The following DCDC1 variants were observed in gnomAD, a reference collection of about 807,000 sequenced individuals.
The protein encoded by DCDC1 is doublecortin domain-containing protein 1.
DCDC1 carries 200 observed loss-of-function variants against 178.3 expected under a neutral mutation model. That is an observed-to-expected ratio of 1.12 (90% CI 1.00 to 1.26). DCDC1 has a LOEUF of 1.26. DCDC1 is among the 50% of genes most tolerant of loss of function. The pLI is 0.00. For synonymous variants in DCDC1, 690 were observed against 604.8 expected (o/e 1.14, Z -2.07); for missense variants, 1,983 against 1,749.2 (o/e 1.13, Z -2.38).
chr11:31,046,615 G>GAA (rs4067329), intron 20 of DCDC1, among the ~76,000 whole-genome samples: 67,101 of 140,158 alleles, frequency 0.48, 15,570 homozygotes, highest in Middle Eastern at 0.55. Context: ...GCCTCAGTAA[G>GAA]AAAAAAAAAA....
intron 8 of DCDC1, among the ~76,000 whole-genome samples, chr11:31,256,055 A>G (rs1314330938): frequency 2.6e-5 from 4 of 152,164 alleles, no homozygotes; most frequent in Admixed American, 6.6e-5. Flanking sequence ...ATCCAGTTCT[A>G]CCAGCACCAT....
intron 9 of DCDC1, among the ~76,000 whole-genome samples, chr11:31,233,831 C>T (rs1976125243): frequency 6.6e-6 from 1 of 152,104 alleles, no homozygotes; most frequent in Non-Finnish European, 1.5e-5. Context: ...GAGTATCTGA[C>T]CGAATTTTTG....
At chr11:31,368,896 G>C (rs1320565259) in intron 1 of DCDC1, among the ~76,000 whole-genome samples, 3 of 151,846 alleles carry the variant, frequency 2.0e-5, no homozygotes, top group African/African-American at 7.3e-5. Flanking sequence ...AGTAATAAAA[G>C]GAAACACAGG....
chr11:31,112,684 G>T (rs1006292631), intron 11 of DCDC1, among the ~76,000 whole-genome samples: 1 of 152,132 alleles, frequency 6.6e-6, no homozygotes, highest in Non-Finnish European at 1.5e-5. Flanking sequence ...ATAGGAATAA[G>T]TTACTTCTAT....
intron 3 of DCDC1, among the ~76,000 whole-genome samples, chr11:31,322,729 A>C (rs1020627142): frequency 6.6e-6 from 1 of 152,210 alleles, no homozygotes; most frequent in Non-Finnish European, 1.5e-5. Context: ...AGACACAATG[A>C]GCCAGACTTT....
chr11:30,971,108 CA>C, intron 20 of DCDC1, among the ~76,000 whole-genome samples: 1 of 152,302 alleles, frequency 6.6e-6, no homozygotes, highest in South Asian at 2.1e-4. Flanking sequence ...GAGGAAATCA[CA>C]GACATTACTG....
At chr11:30,935,429 T>G (rs117805182) in intron 21 of DCDC1, among the ~76,000 whole-genome samples, 1 of 152,232 alleles carries the variant, frequency 6.6e-6, no homozygotes, top group African/African-American at 2.4e-5. Context: ...CATTAATTAC[T>G]AACCTGATTG....
chr11:31,091,178 C>T lies in DCDC1; in HGVS notation c.2237+215G>A, dbSNP rs547996468. 1.3e-4 allele frequency among the ~76,000 whole-genome samples: 20 copies of T among 152,276 alleles called. 1 individual carries two copies. The highest frequency in any genetic ancestry group is 1.9e-4 in the East Asian group (1 of 5,184). On this transcript the variant is annotated intron_variant, in intron 17 of 38. Transcript: ENST00000684477. Reference sequence around the variant, plus strand: ...GACATAGATACATGTTGAAGGCCAACATTTCACCTTTTAAATATCTTTAAA... The same window carrying T: ...GACATAGATACATGTTGAAGGCCAATATTTCACCTTTTAAATATCTTTAAA...
rs185286976 is a variant in DCDC1 at position 30,896,787 on chromosome 11, C to T, written c.4766-2403G>A. On this transcript the variant is annotated intron_variant, in intron 34 of 38. Coordinates refer to ENST00000684477, the MANE Select transcript of DCDC1 (RefSeq NM_001387274.1). ...TACTAACCATGTAGTAAAGATTTGA[C>T]ATTTGTTACTTAATCATGAAAACCC... Among the ~76,000 whole-genome samples the T allele has an allele frequency of 1.1e-3, 172 of 152,258 alleles. 1 individual carries two copies. Among genetic ancestry groups the T allele is most frequent in the African/African-American group, 3.6e-3 (149 of 41,542 alleles).
intron 18 of DCDC1, among the ~76,000 whole-genome samples, chr11:31,077,068 C>T (rs1466628054): frequency 5.9e-5 from 9 of 152,118 alleles, no homozygotes; most frequent in Non-Finnish European, 1.5e-5. Flanking sequence ...TTGCTTCTTC[C>T]AGGTGGCTGA....
intron 10 of DCDC1, among the ~76,000 whole-genome samples, chr11:31,135,406 G>C (rs773049851): frequency 4.6e-5 from 7 of 152,162 alleles, no homozygotes; most frequent in Non-Finnish European, 1.0e-4. Context: ...CACTCAAGGA[G>C]TAAGAAACAA....
chr11:31,028,306 G>T (rs769144337), intron 20 of DCDC1, among the ~76,000 whole-genome samples: 1 of 151,538 alleles, frequency 6.6e-6, no homozygotes, highest in Non-Finnish European at 1.5e-5. Context: ...TTTTTTAGTG[G>T]TCCAATTTTA....
At chr11:31,103,001 T>C in intron 14 of DCDC1, among the ~76,000 whole-genome samples, 1 of 152,038 alleles carries the variant, frequency 6.6e-6, no homozygotes, top group East Asian at 1.9e-4. Flanking sequence ...GGAGTAAGAG[T>C]AGAGTAATAT....
chr11:31,035,660 G>C (rs1953978131), intron 20 of DCDC1, among the ~76,000 whole-genome samples: 1 of 152,184 alleles, frequency 6.6e-6, no homozygotes, highest in Non-Finnish European at 1.5e-5. Context: ...TTTCTCCACT[G>C]TAAAATAACT....
chr11:31,294,808 AAGAAAGAAAGAAAG>A (rs1192813658), intron 6 of DCDC1, among the ~76,000 whole-genome samples: 13 of 50,716 alleles, frequency 2.6e-4, no homozygotes, highest in Non-Finnish European at 5.7e-4. Context: ...AAAAGAAAGA[AAGAAAGAAAGAAAG>A]AAAGAAAGAA....
intron 20 of DCDC1, among the ~76,000 whole-genome samples, chr11:30,979,828 C>T (rs1590642295): frequency 6.6e-6 from 1 of 152,264 alleles, no homozygotes; most frequent in African/African-American, 2.4e-5. Context: ...AATAAATATT[C>T]GTTGAGTAAA....
intron 20 of DCDC1, among the ~76,000 whole-genome samples, chr11:31,036,121 T>C (rs1451570604): frequency 2.0e-5 from 3 of 152,220 alleles, no homozygotes; most frequent in South Asian, 2.1e-4. Flanking sequence ...CTCTACTCTA[T>C]GGAAACTGAA....
intron 30 of DCDC1, among the ~76,000 whole-genome samples, chr11:30,905,469 C>G (rs965182610): frequency 2.0e-5 from 3 of 152,016 alleles, no homozygotes; most frequent in African/African-American, 7.3e-5. Context: ...CCAGAGAGAG[C>G]CTGGATTAAA....
At chr11:31,027,746 A>G (rs1245608446) in intron 20 of DCDC1, among the ~76,000 whole-genome samples, 1 of 151,926 alleles carries the variant, frequency 6.6e-6, no homozygotes, top group Non-Finnish European at 1.5e-5. Context: ...CTTCTTGTAG[A>G]TGGTAGAAAA....
Sources: gnomAD v4.1 joint callset for allele counts (sites outside exome capture counted in the v4.1 genomes callset) on GRCh38, gnomAD v4.1.1 for gene constraint, MANE v1.5 for transcripts, NCBI Gene and HGNC (gene_info 2026-07-23, HGNC 2026-07-21) for gene names.